Variants in POLI observed in about 807,000 individuals in gnomAD.
POLI encodes DNA polymerase iota, also known as RAD30 homolog B.
Under a neutral mutation model 51.6 loss-of-function variants are expected in POLI, and 58 were observed. The observed-to-expected ratio is 1.12, with a 90% CI of 0.91 to 1.40. POLI has a LOEUF of 1.40. Among genes scored for constraint, POLI ranks in the 40% most tolerant of loss-of-function variants. The probability of loss-of-function intolerance (pLI) is 0.00; values close to 1 mark genes in which losing one functional copy is unlikely to be tolerated. For synonymous variants in POLI, 322 were observed against 299.7 expected (o/e 1.07, Z -0.77); for missense variants, 921 against 871.3 (o/e 1.06, Z -0.72).
At chr18:54,273,659 CAA>C (rs1443522654) in intron 2 of POLI, among the ~76,000 whole-genome samples, 1 of 151,698 alleles carries the variant, frequency 6.6e-6, no homozygotes, top group Non-Finnish European at 1.5e-5. Flanking sequence ...TTCAAGGAGA[CAA>C]AACAACTAGA....
chr18:54,316,914 C>T (rs183123761), intron 3 of POLI, among the ~76,000 whole-genome samples: 1 of 152,202 alleles, frequency 6.6e-6, no homozygotes, highest in Admixed American at 6.5e-5. Flanking sequence ...TTGCTATTTG[C>T]AAGCGGAAGT....
chr18:54,269,636 C>T lies in POLI; in HGVS notation c.90C>T (p.Asp30=), dbSNP rs758380680. Residue 30 remains aspartate, a synonymous_variant, in exon 1 of 10, where the codon GAC becomes GAT. Transcript: ENST00000579534. ...AGGCCTGGGCCATGGAACTGGCGGA[C>T]GTGGGGGCGGCAGCCAGCTCGCAGG... is the stretch of plus-strand genomic sequence containing the variant. ...DAEAWAMELA[D]VGAAASSQGV... 131 of 1,507,734 alleles carry T rather than the reference C, an allele frequency of 8.7e-5. No individual in the cohort carries two copies. Among genetic ancestry groups the T allele is most frequent in the Admixed American group, 2.2e-5 (1 of 44,796 alleles). The allele number at this position is 1,507,734 out of a possible 1,614,324, so 93.4% of individuals were successfully genotyped here.
chr18:54,270,082 G>A, intron 1 of POLI: 1 of 978,532 alleles, frequency 1.0e-6, no homozygotes, highest in South Asian at 4.6e-5. Flanking sequence ...CAGAACCTAG[G>A]CGGAGTCAGG....
chr18:54,310,327 T>C (rs2088653758), intron 3 of POLI, among the ~76,000 whole-genome samples: 1 of 152,244 alleles, frequency 6.6e-6, no homozygotes, highest in Non-Finnish European at 1.5e-5. Flanking sequence ...ACATTCTAGT[T>C]ACTCACCTTC....
At chr18:54,306,069 T>G (rs1397762032) in intron 3 of POLI, among the ~76,000 whole-genome samples, 2 of 152,154 alleles carry the variant, frequency 1.3e-5, no homozygotes, top group African/African-American at 4.8e-5. Context: ...CCTTTATTTC[T>G]TTCTCTTGCC....
At chr18:54,313,283 T>A (rs1393623751) in intron 3 of POLI, among the ~76,000 whole-genome samples, 1 of 152,196 alleles carries the variant, frequency 6.6e-6, no homozygotes, top group Non-Finnish European at 1.5e-5. Flanking sequence ...ATTTCTGAGT[T>A]CTTTTACTCT....
intron 1 of POLI, chr18:54,269,958 C>G (rs1160933842): frequency 1.8e-5 from 21 of 1,157,072 alleles, no homozygotes; most frequent in Non-Finnish European, 2.2e-5. Flanking sequence ...TCAGCCAGCC[C>G]GACGAAAACT....
chr18:54,277,891 A>G lies in POLI; in HGVS notation c.559+36A>G. The G allele has an allele frequency of 2.1e-6, 3 of 1,459,180 alleles. No individual in the cohort carries two copies. The South Asian group carries it at 3.7e-5, about 18-fold the overall frequency. The allele number at this position is 1,459,180 out of a possible 1,614,324, so 90.4% of individuals were successfully genotyped here. A position where few individuals can be genotyped will look rare whatever the true frequency, so the allele number is the denominator to read the frequency against. On this transcript the variant is annotated intron_variant, in intron 4 of 9. Transcript: ENST00000579534. ...TCTTATTCATTCTACCTACTAACCA[A>G]AAGTACATACATTTCTTAATGTTCA...
chr18:54,291,758 C>G, intron 8 of POLI, 75 bp from the exon 9 acceptor site: 1 of 681,816 alleles, frequency 1.5e-6, no homozygotes, highest in Non-Finnish European at 2.4e-6. Flanking sequence ...ATTTTAATTT[C>G]TTAATCTCAG....
rs1466178078 is a variant in POLI at position 54,294,276 on chromosome 18, A to G, written c.2032A>G (p.Lys678Glu). The change falls in exon 10 of 10, where the codon AAG becomes GAG. Residue 678 changes from lysine to glutamate, a missense_variant. Physicochemically the swap from Lys to Glu is moderately conservative, Grantham distance 56 (BLOSUM62 1). Coordinates refer to ENST00000579534, the MANE Select transcript of POLI (RefSeq NM_007195.3). Reference sequence around the variant, plus strand: ...CAGAAACCACACTACAGATAGCCATAAGCAAACAGTAGCAACAGACTCTCA... The same window carrying G: ...CAGAAACCACACTACAGATAGCCATGAGCAAACAGTAGCAACAGACTCTCA... ...FSRNHTTDSH[K>E]QTVATDSHEG... is the part of the protein sequence containing the mutation. 1 of 1,613,698 alleles carries G rather than the reference A, an allele frequency of 6.2e-7. No homozygotes were observed. Among genetic ancestry groups the G allele is most frequent in the Non-Finnish European group, 8.5e-7 (1 of 1,179,686 alleles).
intron 6 of POLI, among the ~76,000 whole-genome samples, chr18:54,283,590 C>T (rs1345209613): frequency 6.6e-6 from 1 of 152,092 alleles, no homozygotes; most frequent in Non-Finnish European, 1.5e-5. Context: ...AACTTAGATT[C>T]AAGTCCTAGG....
chr18:54,289,973 C>G (rs912567273), intron 8 of POLI, among the ~76,000 whole-genome samples: 6 of 152,158 alleles, frequency 3.9e-5, no homozygotes, highest in Non-Finnish European at 7.4e-5. Context: ...CCAAAATTGA[C>G]AGATGGGACC....
chr18:54,301,270 CTCCCA>C (rs1387172508), downstream of POLI, among the ~76,000 whole-genome samples: 1 of 148,706 alleles, frequency 6.7e-6, no homozygotes, highest in African/African-American at 2.5e-5. Flanking sequence ...CAGTGTGAAA[CTCCCA>C]TCACACACAC....
At chr18:54,290,607 A>G (rs1277092581) in intron 8 of POLI, among the ~76,000 whole-genome samples, 2 of 152,212 alleles carry the variant, frequency 1.3e-5, no homozygotes, top group Non-Finnish European at 2.9e-5. Context: ...AGACTGGATA[A>G]AGAAAACGTG....
Position 54,311,666 on chromosome 18 carries a change from G to A in POLI, c.334-8607G>A, listed in dbSNP as rs559649679. ...TCAACTTTTTTGATATAACACCCTA[G>A]CAGTGAAAAAAACTTGGGAGGTACA... On this transcript the variant is annotated intron_variant, in intron 3 of 4. Transcript: ENST00000579823. 1.7e-4 allele frequency among the ~76,000 whole-genome samples: 26 copies of A among 152,198 alleles called. No homozygotes were observed. In the South Asian group the frequency reaches 5.0e-3, roughly 29 times the overall value.
In POLI at chr18:54,269,633, G is replaced by A. The variant is rs3730669; in HGVS notation, c.87G>A (p.Ala29=). The A allele has an allele frequency of 7.7e-3, 11,542 of 1,508,750 alleles. 321 individuals are homozygous for A. The highest frequency in any genetic ancestry group is 0.065 in the African/African-American group (4,445 of 68,824). The allele number at this position is 1,508,750 out of a possible 1,614,324, so 93.5% of individuals were successfully genotyped here. A position where few individuals can be genotyped will look rare whatever the true frequency, so the allele number is the denominator to read the frequency against. The change falls in exon 1 of 10, where the codon GCG becomes GCA. Residue 29 remains alanine, a synonymous_variant. Coordinates refer to ENST00000579534, the MANE Select transcript of POLI (RefSeq NM_007195.3). ...EDAEAWAMEL[A]DVGAAASSQG... ...CCGAGGCCTGGGCCATGGAACTGGC[G>A]GACGTGGGGGCGGCAGCCAGCTCGC...
At chr18:54,287,528 A>C in intron 8 of POLI, 117 bp downstream of exon 8, 2 of 652,948 alleles carry the variant, frequency 3.1e-6, no homozygotes, top group East Asian at 5.8e-5. Context: ...GCAAGCAATT[A>C]AATGCTTTTA....
chr18:54,314,533 A>G (rs1252992866), intron 3 of POLI, among the ~76,000 whole-genome samples: 2 of 152,090 alleles, frequency 1.3e-5, no homozygotes, highest in Non-Finnish European at 2.9e-5. Context: ...TCTTTGGAAT[A>G]GTTTCAGTAG....
intron 3 of POLI, among the ~76,000 whole-genome samples, chr18:54,309,672 C>A (rs866751562): frequency 2.0e-5 from 3 of 152,202 alleles, no homozygotes; most frequent in African/African-American, 7.2e-5. Context: ...TTCAGCTATG[C>A]CCTGCCCTCA....
Sources: allele counts gnomAD v4.1 joint callset (sites outside exome capture counted in the v4.1 genomes callset), GRCh38; gene constraint gnomAD v4.1.1; transcripts MANE v1.5; gene names NCBI Gene and HGNC (gene_info 2026-07-23, HGNC 2026-07-21).